Variants in IQCH observed in about 807,000 individuals in gnomAD.
IQCH encodes IQ motif containing H.
Under a neutral mutation model 117.0 loss-of-function variants are expected in IQCH, and 98 were observed. The observed-to-expected ratio is 0.84, with a 90% CI of 0.71 to 0.99. The LOEUF is 0.99. Among genes scored for constraint, IQCH ranks in the 50% least tolerant of loss-of-function variants. The pLI, the probability that IQCH is intolerant of heterozygous loss-of-function variation, is 0.00. For synonymous variants in IQCH, 412 were observed against 448.2 expected (o/e 0.92, Z 1.02); for missense variants, 1,102 against 1,243.8 (o/e 0.89, Z 1.72).
At chr15:67,298,739 G>A (rs893550430) in intron 4 of IQCH, among the ~76,000 whole-genome samples, 3 of 152,064 alleles carry the variant, frequency 2.0e-5, no homozygotes, top group Non-Finnish European at 4.4e-5. Context: ...GTTGGTGCAT[G>A]CCTGTAATCT....
chr15:67,428,887 C>G (rs2081955936), intron 16 of IQCH, among the ~76,000 whole-genome samples: 1 of 149,868 alleles, frequency 6.7e-6, no homozygotes, highest in Non-Finnish European at 1.5e-5. Context: ...GCAGGGGGAT[C>G]ATAGAAAGAG....
chr15:67,434,895 C>T (rs2082099395), intron 16 of IQCH, among the ~76,000 whole-genome samples: 1 of 151,026 alleles, frequency 6.6e-6, no homozygotes, highest in Non-Finnish European at 1.5e-5. Flanking sequence ...TCCTGCCTCA[C>T]CTACTGAGTA....
At chr15:67,276,749 CTCTG>C (rs1966141739) in intron 3 of IQCH, among the ~76,000 whole-genome samples, 2 of 151,498 alleles carry the variant, frequency 1.3e-5, no homozygotes. Flanking sequence ...GCAAGATTTT[CTCTG>C]TCTTTTGTTT....
At chr15:67,338,241 A>ATCTATCTATCTG (rs1555455398) in intron 5 of IQCH, among the ~76,000 whole-genome samples, 1 of 150,818 alleles carries the variant, frequency 6.6e-6, no homozygotes, top group African/African-American at 2.4e-5. Flanking sequence ...CTATCTATCT[A>ATCTATCTATCTG]TCTATCTGTC....
At position 67,432,192 on chromosome 15, in the gene IQCH, T is replaced by C. The variant is rs2082034834; in HGVS notation, c.2505+10615T>C. Among the ~76,000 whole-genome samples, 1 of 152,168 alleles carries C rather than the reference T, an allele frequency of 6.6e-6. No homozygotes were observed. The highest frequency in any genetic ancestry group is 1.5e-5 in the Non-Finnish European group (1 of 68,032). On this transcript the variant is annotated intron_variant, in intron 16 of 20. Transcript: ENST00000335894. The surrounding 1 kb of genome is among the most constrained non-coding windows in gnomAD (Gnocchi z 5.0). ...GAAGAATTGATATGAAAACTAGCTATTGGAGAGTAGTAATGGCCCTTCCAA... is the reference window on the plus strand; with the variant it reads ...GAAGAATTGATATGAAAACTAGCTACTGGAGAGTAGTAATGGCCCTTCCAA...
At position 67,474,866 on chromosome 15, in the gene IQCH, C is replaced by G. The variant is rs2083166009; in HGVS notation, c.2677-830C>G. ...AGTCACACTGATACCATCTATCTAC[C>G]CTTGATATGAAGTGAGGAAAATGGC... On this transcript the variant is annotated intron_variant, in intron 17 of 20. Transcript: ENST00000335894. The surrounding 1 kb of genome is among the most constrained non-coding windows in gnomAD (Gnocchi z 4.1). Among the ~76,000 whole-genome samples the G allele has an allele frequency of 1.3e-5, 2 of 152,176 alleles. No individual in the cohort carries two copies. Among genetic ancestry groups the G allele is most frequent in the African/African-American group, 4.8e-5 (2 of 41,410 alleles).
rs1970302707 is a variant in IQCH at position 67,365,543 on chromosome 15, T to A, written c.753+5658T>A. Among the ~76,000 whole-genome samples, 1 of 152,144 alleles carries A rather than the reference T, an allele frequency of 6.6e-6. No homozygotes were observed. The highest frequency in any genetic ancestry group is 2.4e-5 in the African/African-American group (1 of 41,412). On this transcript the variant is annotated intron_variant, in intron 8 of 20. Coordinates refer to ENST00000335894, the MANE Select transcript of IQCH (RefSeq NM_001031715.3). This position sits in a 1 kb window ranked among gnomAD's most constrained non-coding sequence, Gnocchi z 4.4. ...AACCTAGTCCTTGTCCTCTTGGGGT[T>A]TATATTTTAGTGAGAGAGGCAATAA...
Position 67,277,084 on chromosome 15 carries a change from A to G in IQCH, c.270-2311A>G, listed in dbSNP as rs542752627. On this transcript the variant is annotated intron_variant, in intron 3 of 20. Transcript: ENST00000335894. ...GATTTTGTTTCATTGGCCATATTCA[A>G]TATATTGATAAGCCTATCAAAGACA... is the stretch of plus-strand genomic sequence containing the variant. Among the ~76,000 whole-genome samples the G allele has an allele frequency of 4.6e-5, 7 of 152,348 alleles. No individual in the cohort carries two copies. The South Asian group carries it at 8.3e-4, about 18-fold the overall frequency.
chr15:67,465,038 G>T lies in IQCH; in HGVS notation c.2506-89G>T. On this transcript the variant is annotated intron_variant, in intron 16 of 20. Transcript: ENST00000335894. The surrounding 1 kb of genome is among the most constrained non-coding windows in gnomAD (Gnocchi z 5.9). ...CATGGTCACTGGTTTCACTTAGTCT[G>T]ATGTAGTTTGGTCTGGTTAGGCAGA... The T allele has an allele frequency of 8.3e-7, 1 of 1,209,510 alleles. No homozygotes were observed. Among genetic ancestry groups the T allele is most frequent in the South Asian group, 1.4e-5 (1 of 71,962 alleles). The allele number at this position is 1,209,510 out of a possible 1,614,324, so 74.9% of individuals were successfully genotyped here.
In IQCH at chr15:67,454,409, G is replaced by C. The variant is rs139373522; in HGVS notation, c.2506-10718G>C. Among the ~76,000 whole-genome samples, 3 of 152,094 alleles carry C rather than the reference G, an allele frequency of 2.0e-5. No individual in the cohort carries two copies. The highest frequency in any genetic ancestry group is 1.3e-4 in the Admixed American group (2 of 15,272). The stretch of plus-strand genomic sequence containing the variant: ...CTTGACCTTGTGATCCGCCCGCCTC[G>C]GCCTCCCAAAGTATTCAAAATTCAC... On this transcript the variant is annotated intron_variant, in intron 16 of 20. Coordinates refer to ENST00000335894, the MANE Select transcript of IQCH (RefSeq NM_001031715.3). This position sits in a 1 kb window ranked among gnomAD's most constrained non-coding sequence, Gnocchi z 5.2.
intron 4 of IQCH, among the ~76,000 whole-genome samples, chr15:67,308,267 A>C (rs988028139): frequency 1.3e-5 from 2 of 152,168 alleles, no homozygotes; most frequent in African/African-American, 4.8e-5. Flanking sequence ...TTCTGCATCT[A>C]TTCTTTCTCA....
At position 67,500,852 on chromosome 15, in the gene IQCH, G is replaced by A. The variant is rs1427931746; in HGVS notation, c.*106G>A. 7.0e-6 allele frequency: 4 copies of A among 569,718 alleles called. No homozygotes were observed. The South Asian group carries it at 8.0e-5, about 11-fold the overall frequency. 35.3% of individuals were successfully genotyped at this position (569,718 alleles called of 1,614,324 possible). On this transcript the variant is annotated 3_prime_UTR_variant, in exon 21 of 21. Coordinates refer to ENST00000335894, the MANE Select transcript of IQCH (RefSeq NM_001031715.3). The surrounding 1 kb of genome is among the most constrained non-coding windows in gnomAD (Gnocchi z 4.4). ...CAGGGGAAATTGGTTTGCTTTGTGTGCTAGGAGGTGAATCAGAACAGATTA... is the reference window on the plus strand; with the variant it reads ...CAGGGGAAATTGGTTTGCTTTGTGTACTAGGAGGTGAATCAGAACAGATTA...
chr15:67,460,442 A>G (rs544116555), intron 16 of IQCH, among the ~76,000 whole-genome samples: 11 of 152,312 alleles, frequency 7.2e-5, no homozygotes, highest in African/African-American at 2.4e-4. Flanking sequence ...TTCCTAAATC[A>G]TCAAAAGTTC....
chr15:67,335,374 C>A (rs537499171), intron 4 of IQCH, among the ~76,000 whole-genome samples: 1 of 152,284 alleles, frequency 6.6e-6, no homozygotes, highest in South Asian at 2.1e-4. Flanking sequence ...AACTGCCAAA[C>A]CTATATTTTA....
chr15:67,389,433 G>C (rs1971211476), intron 12 of IQCH, among the ~76,000 whole-genome samples: 1 of 151,874 alleles, frequency 6.6e-6, no homozygotes, highest in Admixed American at 6.6e-5. Flanking sequence ...AGGGGAATTT[G>C]GCTCGATTTA....
At chr15:67,344,655 GT>G (rs1969309963) in intron 6 of IQCH, among the ~76,000 whole-genome samples, 1 of 152,324 alleles carries the variant, frequency 6.6e-6, no homozygotes, top group South Asian at 2.1e-4. Flanking sequence ...GTGGAATAGA[GT>G]TCTAGCAGCA....
chr15:67,329,242 TGA>T (rs1968550685), intron 4 of IQCH, among the ~76,000 whole-genome samples: 1 of 150,892 alleles, frequency 6.6e-6, no homozygotes, highest in South Asian at 2.1e-4. Flanking sequence ...GAGGCTGTAG[TGA>T]GCTGTGATTA....
chr15:67,305,480 G>T (rs1317285294), intron 4 of IQCH, among the ~76,000 whole-genome samples: 1 of 152,016 alleles, frequency 6.6e-6, no homozygotes, highest in Non-Finnish European at 1.5e-5. Context: ...TTTTATTCCT[G>T]CTGAAACTTT....
intron 4 of IQCH, among the ~76,000 whole-genome samples, chr15:67,324,716 G>C (rs901139484): frequency 2.0e-5 from 3 of 148,916 alleles, no homozygotes; most frequent in African/African-American, 7.4e-5. Flanking sequence ...TTTGTTTTTT[G>C]TTTTTTCCTT....
Sources: allele counts gnomAD v4.1 joint callset (sites outside exome capture counted in the v4.1 genomes callset), GRCh38; gene constraint gnomAD v4.1.1; non-coding constraint Gnocchi (gnomAD v3.1); transcripts MANE v1.5; gene names NCBI Gene and HGNC (gene_info 2026-07-23, HGNC 2026-07-21).